Variants in SPAG16 observed in about 807,000 individuals in gnomAD.
The protein encoded by SPAG16 is sperm associated antigen 16.
Under a neutral mutation model 80.4 loss-of-function variants are expected in SPAG16, and 86 were observed. That is an observed-to-expected ratio of 1.07 (90% CI 0.90 to 1.28). The LOEUF (loss-of-function observed/expected upper bound fraction) is 1.28, where lower values mean the gene tolerates loss of function less well. SPAG16 is among the 50% of genes most tolerant of loss of function. The probability of loss-of-function intolerance (pLI) is 0.00; values close to 1 mark genes in which losing one functional copy is unlikely to be tolerated. For synonymous variants in SPAG16, 294 were observed against 265.9 expected (o/e 1.11, Z -1.03); for missense variants, 870 against 765.3 (o/e 1.14, Z -1.61).
chr2:213,433,901 T>C (rs1010574390), intron 9 of SPAG16, among the ~76,000 whole-genome samples: 2 of 148,164 alleles, frequency 1.3e-5, no homozygotes, highest in Non-Finnish European at 3.0e-5. Flanking sequence ...TCTTCTTTTT[T>C]CCTTTTTCTT....
intron 15 of SPAG16, among the ~76,000 whole-genome samples, chr2:214,351,390 G>A (rs1462304534): frequency 6.6e-6 from 1 of 151,328 alleles, no homozygotes; most frequent in Non-Finnish European, 1.5e-5. Context: ...CTGTGTGTCT[G>A]TGTGTGTGTG....
intron 15 of SPAG16, among the ~76,000 whole-genome samples, chr2:214,354,912 G>A (rs1342790550): frequency 4.6e-5 from 7 of 152,012 alleles, no homozygotes; most frequent in African/African-American, 1.7e-4. Flanking sequence ...GAGACAGTGG[G>A]GTTTTCTAGA....
intron 11 of SPAG16, among the ~76,000 whole-genome samples, chr2:213,896,601 C>T (rs543389127): frequency 0.22 from 31,289 of 141,784 alleles, 4,505 homozygotes; most frequent in South Asian, 0.35. Context: ...CGCACACACA[C>T]ACACACACAC....
At chr2:214,113,143 T>G (rs905715057) in intron 14 of SPAG16, among the ~76,000 whole-genome samples, 4 of 152,150 alleles carry the variant, frequency 2.6e-5, no homozygotes, top group Non-Finnish European at 5.9e-5. Context: ...TTGAATATTG[T>G]CCCCCACTCT....
At chr2:213,913,344 C>A (rs989639663) in intron 11 of SPAG16, among the ~76,000 whole-genome samples, 15 of 152,086 alleles carry the variant, frequency 9.9e-5, no homozygotes, top group Admixed American at 3.3e-4. Context: ...CTCCAAGGAG[C>A]ATTCTGCATA....
intron 15 of SPAG16, among the ~76,000 whole-genome samples, chr2:214,274,748 C>G (rs1001255964): frequency 1.3e-5 from 2 of 152,162 alleles, no homozygotes; most frequent in Non-Finnish European, 2.9e-5. Flanking sequence ...GGATATTGGT[C>G]TAAAATTCTC....
intron 5 of SPAG16, among the ~76,000 whole-genome samples, chr2:213,319,056 T>G (rs752903119): frequency 8.6e-5 from 13 of 151,984 alleles, no homozygotes; most frequent in Non-Finnish European, 1.6e-4. Flanking sequence ...TGTGAATGCA[T>G]TAACTTGGGG....
intron 10 of SPAG16, among the ~76,000 whole-genome samples, chr2:213,808,720 G>A (rs979919147): frequency 3.3e-5 from 5 of 152,248 alleles, no homozygotes; most frequent in East Asian, 1.9e-4. Context: ...TAGAACTGAG[G>A]TATCTTTCAT....
At chr2:214,175,358 A>T (rs1164692915) in intron 15 of SPAG16, among the ~76,000 whole-genome samples, 3 of 148,786 alleles carry the variant, frequency 2.0e-5, no homozygotes, top group Non-Finnish European at 4.5e-5. Flanking sequence ...AATCAGAGAA[A>T]TTCTGTGAAT....
intron 11 of SPAG16, among the ~76,000 whole-genome samples, chr2:213,884,984 T>G (rs953228122): frequency 3.3e-5 from 5 of 152,180 alleles, no homozygotes; most frequent in Non-Finnish European, 5.9e-5. Flanking sequence ...TGTTTGTCAC[T>G]TCAGTCATTT....
chr2:213,963,545 G>T (rs1209851886), intron 12 of SPAG16, among the ~76,000 whole-genome samples: 1 of 152,080 alleles, frequency 6.6e-6, no homozygotes, highest in Non-Finnish European at 1.5e-5. Flanking sequence ...GTTAGTTCTA[G>T]ATAGTTTATA....
chr2:214,088,701 A>G (rs963615822), intron 13 of SPAG16, among the ~76,000 whole-genome samples: 3 of 152,068 alleles, frequency 2.0e-5, no homozygotes, highest in African/African-American at 7.2e-5. Flanking sequence ...TACCCTGGGG[A>G]AAAAAATTGA....
chr2:213,743,125 T>G (rs968963110), intron 10 of SPAG16, among the ~76,000 whole-genome samples: 10 of 151,292 alleles, frequency 6.6e-5, no homozygotes, highest in Admixed American at 4.6e-4. Flanking sequence ...GGATGGTCTC[T>G]ATCTCCTGAC....
At chr2:213,748,619 A>C (rs763463626) in intron 10 of SPAG16, among the ~76,000 whole-genome samples, 1 of 152,192 alleles carries the variant, frequency 6.6e-6, no homozygotes, top group Non-Finnish European at 1.5e-5. Flanking sequence ...CATATAAATA[A>C]GAAAGGAAAT....
At chr2:213,923,836 G>T (rs2078334896) in intron 11 of SPAG16, 1 of 152,518 alleles carries the variant, frequency 6.6e-6, no homozygotes, top group Admixed American at 6.5e-5. Flanking sequence ...ATAGAGGTGG[G>T]ATGACTGGGC....
At chr2:214,233,665 G>A (rs763946327) in intron 15 of SPAG16, among the ~76,000 whole-genome samples, 44 of 152,018 alleles carry the variant, frequency 2.9e-4, no homozygotes, top group Non-Finnish European at 4.3e-4. Flanking sequence ...GTTCTTATCT[G>A]CCCACTGAGG....
intron 10 of SPAG16, among the ~76,000 whole-genome samples, chr2:213,824,674 G>T (rs912692375): frequency 6.6e-6 from 1 of 152,146 alleles, no homozygotes; most frequent in African/African-American, 2.4e-5. Flanking sequence ...CAGGTAATGT[G>T]ATTCCTCTAA....
intron 15 of SPAG16, among the ~76,000 whole-genome samples, chr2:214,241,536 G>A (rs1349029786): frequency 2.0e-5 from 3 of 151,948 alleles, no homozygotes; most frequent in Non-Finnish European, 4.4e-5. Flanking sequence ...CAGTAAATAT[G>A]GCTTTATTGT....
chr2:213,289,668 T>A (rs899503543), intron 1 of SPAG16, among the ~76,000 whole-genome samples: 1 of 152,242 alleles, frequency 6.6e-6, no homozygotes, highest in South Asian at 2.1e-4. Flanking sequence ...TTATTTCAAC[T>A]TAATAAGTAA....
Sources: allele counts gnomAD v4.1 joint callset (sites outside exome capture counted in the v4.1 genomes callset), GRCh38; gene constraint gnomAD v4.1.1; transcripts MANE v1.5; gene names NCBI Gene and HGNC (gene_info 2026-07-23, HGNC 2026-07-21).